The following LDB1 variants were observed in gnomAD, a reference collection of about 807,000 sequenced individuals.
The protein encoded by LDB1 is LIM domain binding 1.
LDB1 carries 6 observed loss-of-function variants against 49.7 expected under a neutral mutation model. The observed-to-expected ratio is 0.12, with a 90% CI of 0.07 to 0.24. The LOEUF (loss-of-function observed/expected upper bound fraction) is 0.24. Ranked by LOEUF, LDB1 falls within the 10% of genes least tolerant of loss-of-function variation. The probability of loss-of-function intolerance (pLI) is 1.00; values close to 1 mark genes in which losing one functional copy is unlikely to be tolerated. For missense variants in LDB1, 341 were observed against 561.7 expected, an observed-to-expected ratio of 0.61 and a Z score of 3.97; for synonymous variants, 233 against 202.0, an observed-to-expected ratio of 1.15 and a Z score of -1.30.
rs1235444516 is a variant in LDB1 at position 102,111,235 on chromosome 10, T to C, written c.173+21A>G. ...CTTCACCCAGTGGAAAGCACCTTCT[T>C]CCCCACTGGACTCCACTTACCCAAT... is the stretch of plus-strand genomic sequence containing the variant. On this transcript the variant is annotated intron_variant, in intron 3 of 10. Transcript: ENST00000673968. 3.1e-6 allele frequency: 5 copies of C among 1,613,892 alleles called. No homozygotes were observed. The African/African-American group carries it at 5.3e-5, about 17-fold the overall frequency.
At chr10:102,119,435 C>A (rs1205707363) in intron 1 of LDB1, among the ~76,000 whole-genome samples, 1 of 152,098 alleles carries the variant, frequency 6.6e-6, no homozygotes. Context: ...ATTGCTCCCC[C>A]AGCTTACCTC....
intron 1 of LDB1, among the ~76,000 whole-genome samples, chr10:102,118,870 C>T (rs1209870320): frequency 6.6e-6 from 1 of 152,196 alleles, no homozygotes; most frequent in Non-Finnish European, 1.5e-5. Flanking sequence ...CTCCTCTCCC[C>T]AACCCTCTGC....
At position 102,109,452 on chromosome 10, in the gene LDB1, C is replaced by G; in HGVS notation, c.788G>C (p.Ser263Thr). The G allele has an allele frequency of 6.2e-7, 1 of 1,614,118 alleles. No individual in the cohort carries two copies. Among genetic ancestry groups the G allele is most frequent in the Non-Finnish European group, 8.5e-7 (1 of 1,180,026 alleles). Reference protein sequence around the residue: ...QELMSRHKTYSLSPRDCLKTC... With the variant: ...QELMSRHKTYTLSPRDCLKTC... ...CTTGAGGCAGTCGCGGGGGCTGAGG[C>G]TGTAGGTCTTGTGGCGTGACATGAG... Residue 263 changes from serine to threonine, a missense_variant, in exon 9 of 11, where the codon AGC (serine) becomes ACC (threonine). Physicochemically the swap from Ser to Thr is moderately conservative, Grantham distance 58. Around this residue, in one of 5 missense-constraint regions of LDB1, gnomAD observed 233 missense variants for 385.7 expected, o/e 0.60. Coordinates refer to ENST00000673968, the MANE Select transcript of LDB1 (RefSeq NM_001113407.3). This position sits in a 1 kb window ranked among gnomAD's most constrained non-coding sequence, Gnocchi z 5.8.
At chr10:102,105,141 T>A (rs1411729116), downstream of LDB1, among the ~76,000 whole-genome samples, 1 of 152,178 alleles carries the variant, frequency 6.6e-6, no homozygotes, top group African/African-American at 2.4e-5. Flanking sequence ...GGGCTAGATG[T>A]ACACTCAGTG....
chr10:102,110,407 C>T, intron 6 of LDB1, 122 bp downstream of exon 6: 2 of 991,866 alleles, frequency 2.0e-6, no homozygotes, highest in Non-Finnish European at 3.0e-6. Flanking sequence ...GCCTACCCGC[C>T]CTTCTTATTT....
intron 10 of LDB1, among the ~76,000 whole-genome samples, 160 bp from the exon 11 acceptor site, chr10:102,108,483 T>TC (rs1244146825): frequency 6.7e-6 from 1 of 149,654 alleles, no homozygotes; most frequent in African/African-American, 2.5e-5. Flanking sequence ...CACCCTCAGC[T>TC]CCTGGAATCC....
intron 6 of LDB1, 107 bp downstream of exon 6, chr10:102,110,422 A>T: frequency 8.6e-7 from 1 of 1,164,094 alleles, no homozygotes; most frequent in Non-Finnish European, 1.2e-6. Context: ...TTATTTTGCC[A>T]GTTCACATTA....
chr10:102,118,053 C>T (rs935626196), intron 1 of LDB1, among the ~76,000 whole-genome samples: 7 of 151,800 alleles, frequency 4.6e-5, no homozygotes, highest in African/African-American at 7.3e-5. Flanking sequence ...CCTGCCAGGG[C>T]GCCTCAGCCC....
At chr10:102,105,653 G>C (rs1426040259), downstream of LDB1, among the ~76,000 whole-genome samples, 1 of 151,832 alleles carries the variant, frequency 6.6e-6, no homozygotes, top group African/African-American at 2.4e-5. Flanking sequence ...TTAGCACCAG[G>C]GGAGACTAAT....
chr10:102,104,572 G>A (rs886324519), downstream of LDB1, among the ~76,000 whole-genome samples: 1 of 152,104 alleles, frequency 6.6e-6, no homozygotes, highest in African/African-American at 2.4e-5. Flanking sequence ...GGCAAATGGG[G>A]AGGAGCCAGA....
intron 1 of LDB1, among the ~76,000 whole-genome samples, chr10:102,118,524 C>T (rs2068361339): frequency 6.6e-6 from 1 of 152,192 alleles, no homozygotes; most frequent in African/African-American, 2.4e-5. Flanking sequence ...ACCCAGGCAC[C>T]CTGCCCCAAC....
Position 102,108,412 on chromosome 10 carries a change from C to G in LDB1, c.1006-89G>C, listed in dbSNP as rs2068199102. Reference sequence around the variant, plus strand: ...ATACCCCCAGAGCCCCAGTACCCACCCTGGAAGCTCAAGAGTCCCCACCCC... The same window carrying G: ...ATACCCCCAGAGCCCCAGTACCCACGCTGGAAGCTCAAGAGTCCCCACCCC... On this transcript the variant is annotated intron_variant, in intron 10 of 10. Transcript: ENST00000673968. 3 of 991,662 alleles carry G rather than the reference C, an allele frequency of 3.0e-6. 1 individual carries two copies. In the South Asian group the frequency reaches 4.4e-5, roughly 15 times the overall value. 61.4% of individuals were successfully genotyped at this position (991,662 alleles called of 1,614,324 possible). A position where few individuals can be genotyped will look rare whatever the true frequency, so the allele number is the denominator to read the frequency against.
rs1395992814 is a variant in LDB1 at position 102,120,160 on chromosome 10, C to G, written c.-50G>C. 69 of 1,244,508 alleles carry G rather than the reference C, an allele frequency of 5.5e-5. No individual in the cohort carries two copies. The highest frequency in any genetic ancestry group is 6.7e-5 in the Non-Finnish European group (66 of 986,626). The allele number at this position is 1,244,508 out of a possible 1,614,324, so 77.1% of individuals were successfully genotyped here. Reference sequence around the variant, plus strand: ...CCCAGCCGAGTCACGGTGCCCGCCCCTCGCGGGGACAGGCCGGGCATGAGC... The same window carrying G: ...CCCAGCCGAGTCACGGTGCCCGCCCGTCGCGGGGACAGGCCGGGCATGAGC... On this transcript the variant is annotated 5_prime_UTR_variant, in exon 1 of 11. Transcript: ENST00000673968.
At chr10:102,119,677 T>C (rs972224077) in intron 1 of LDB1, among the ~76,000 whole-genome samples, 1 of 137,424 alleles carries the variant, frequency 7.3e-6, no homozygotes, top group Admixed American at 7.7e-5. Context: ...ACAGGATAGG[T>C]AAGAGGCAAT....
Position 102,108,435 on chromosome 10 carries a change from C to A in LDB1, c.1006-112G>T, listed in dbSNP as rs1356277247. Reference sequence around the variant, plus strand: ...ACCCTGGAAGCTCAAGAGTCCCCACCCCCTCCTCATACCCGAATTTAAAAC... The same window carrying A: ...ACCCTGGAAGCTCAAGAGTCCCCACACCCTCCTCATACCCGAATTTAAAAC... On this transcript the variant is annotated intron_variant, in intron 10 of 10. Coordinates refer to ENST00000673968, the MANE Select transcript of LDB1 (RefSeq NM_001113407.3). 6.7e-6 allele frequency: 5 copies of A among 743,452 alleles called. No individual in the cohort carries two copies. The East Asian group carries it at 1.3e-4, about 20-fold the overall frequency. The allele number at this position is 743,452 out of a possible 1,614,324, so 46.1% of individuals were successfully genotyped here. A position where few individuals can be genotyped will look rare whatever the true frequency, so the allele number is the denominator to read the frequency against.
At chr10:102,108,898 A>ACT in intron 10 of LDB1, 131 bp downstream of exon 10, 2 of 1,200,516 alleles carry the variant, frequency 1.7e-6, no homozygotes, top group Non-Finnish European at 2.5e-6. Context: ...AAAAGCAGTT[A>ACT]GCCCATGCTG....
rs140021094 is a variant in LDB1, at chr10:102,110,328, C to T, written c.525+201G>A. The T allele has an allele frequency of 1.1e-3, 726 of 642,788 alleles. 1 individual carries two copies. The highest frequency in any genetic ancestry group is 1.7e-3 in the Non-Finnish European group (631 of 376,150). The allele number at this position is 642,788 out of a possible 1,614,324, so 39.8% of individuals were successfully genotyped here. Reference sequence around the variant, plus strand: ...ATATGAGGGCAGACTCTTGTTCACTCGTGTAGCCTTGGGGCCCAGAAAACT... The same window carrying T: ...ATATGAGGGCAGACTCTTGTTCACTTGTGTAGCCTTGGGGCCCAGAAAACT... On this transcript the variant is annotated intron_variant, in intron 6 of 10. Coordinates refer to ENST00000673968, the MANE Select transcript of LDB1 (RefSeq NM_001113407.3).
chr10:102,105,799 T>TAAA (rs1158468815), downstream of LDB1, among the ~76,000 whole-genome samples: 5 of 100,974 alleles, frequency 5.0e-5, no homozygotes, highest in African/African-American at 1.5e-4. Context: ...CTATCTCTAC[T>TAAA]AAAAAAAAAA....
At chr10:102,110,457 G>T in intron 6 of LDB1, 72 bp downstream of exon 6, 2 of 1,468,816 alleles carry the variant, frequency 1.4e-6, no homozygotes, top group Non-Finnish European at 1.9e-6. Context: ...ACAGCTGTGA[G>T]TATACACTGG....
Sources: gnomAD v4.1 joint callset for allele counts (sites outside exome capture counted in the v4.1 genomes callset) on GRCh38, gnomAD v4.1.1 for gene constraint, gnomAD v4.1.1 regional missense constraint, Gnocchi (gnomAD v3.1) non-coding constraint, MANE v1.5 for transcripts, NCBI Gene and HGNC (gene_info 2026-07-23, HGNC 2026-07-21) for gene names.